The following ADAM12 variants were observed in gnomAD, a reference collection of about 807,000 sequenced individuals.
ADAM12 encodes ADAM metallopeptidase domain 12, also known as disintegrin and metalloproteinase domain-containing protein 12.
ADAM12 carries 70 observed loss-of-function variants against 106.4 expected under a neutral mutation model. That is an observed-to-expected ratio of 0.66 (90% confidence interval 0.54 to 0.80). The LOEUF (loss-of-function observed/expected upper bound fraction) is 0.80. ADAM12 is among the 30% of genes least tolerant of loss of function. The pLI is 0.00. For missense variants in ADAM12, 1,010 were observed against 1,171.9 expected (o/e 0.86, Z 2.02); for synonymous variants, 420 against 433.5 (o/e 0.97, Z 0.39).
intron 11 of ADAM12, among the ~76,000 whole-genome samples, chr10:126,073,452 G>T (rs1424814512): frequency 6.6e-6 from 1 of 152,024 alleles, no homozygotes; most frequent in Non-Finnish European, 1.5e-5. Context: ...TGTTATGTAG[G>T]TAGACTGCAT....
At chr10:126,149,352 A>G (rs954581724) in intron 4 of ADAM12, among the ~76,000 whole-genome samples, 1 of 152,118 alleles carries the variant, frequency 6.6e-6, no homozygotes, top group Non-Finnish European at 1.5e-5. Context: ...CAGTTGTTGA[A>G]CCCCTGTTTC....
chr10:126,386,254 A>C (rs1424074574), intron 1 of ADAM12, among the ~76,000 whole-genome samples: 1 of 152,210 alleles, frequency 6.6e-6, no homozygotes. Context: ...TGCCCCAGAA[A>C]GTACCAAGTA....
chr10:126,388,115 C>A lies in ADAM12; in HGVS notation c.31G>T (p.Ala11Ser), dbSNP rs776164501. Reference sequence around the variant, plus strand: ...GCCAGGGCGAGCAGGAGGGCGCGGGCGGGGGACACGGGCAGCGGGCGCGCT... The same window carrying A: ...GCCAGGGCGAGCAGGAGGGCGCGGGAGGGGGACACGGGCAGCGGGCGCGCT... MAARPLPVSPARALLLALAGA... is the reference protein window; with the variant it reads MAARPLPVSPSRALLLALAGA... The change falls in exon 1 of 23, where the codon GCC (alanine) becomes TCC (serine). Residue 11 changes from alanine (A) to serine (S), a missense_variant. Around this residue, in one of 3 missense-constraint regions of ADAM12, gnomAD observed 391 missense variants for 442.9 expected, o/e 0.88. Transcript: ENST00000448723. This position sits in a 1 kb window ranked among gnomAD's most constrained non-coding sequence, Gnocchi z 4.4. 5 of 1,223,972 alleles carry A rather than the reference C, an allele frequency of 4.1e-6. No homozygotes were observed. The highest frequency in any genetic ancestry group is 3.3e-5 in the East Asian group (1 of 30,578). 75.8% of individuals were successfully genotyped at this position (1,223,972 alleles called of 1,614,324 possible).
chr10:126,270,279 A>T (rs1457220481), intron 3 of ADAM12, among the ~76,000 whole-genome samples: 1 of 152,184 alleles, frequency 6.6e-6, no homozygotes. Context: ...CACTGCAGGC[A>T]TTAGGCAAGC....
chr10:126,039,508 G>A, intron 18 of ADAM12, 79 bp from the exon 19 acceptor site: 1 of 1,561,386 alleles, frequency 6.4e-7, no homozygotes, highest in Non-Finnish European at 8.8e-7. Context: ...GACGTTTATG[G>A]CAAAGTGAAC....
chr10:126,377,295 A>G (rs1564765111), intron 1 of ADAM12, among the ~76,000 whole-genome samples: 1 of 152,060 alleles, frequency 6.6e-6, no homozygotes, highest in Non-Finnish European at 1.5e-5. Context: ...AGGAGTATTA[A>G]CTCACATGAT....
intron 4 of ADAM12, among the ~76,000 whole-genome samples, chr10:126,143,063 G>A (rs1045486437): frequency 2.8e-5 from 2 of 70,430 alleles, no homozygotes; most frequent in African/African-American, 8.7e-5. Context: ...GTGTGCACAT[G>A]TGCATATGTG....
At chr10:126,022,587 G>A (rs374990163) in intron 21 of ADAM12, among the ~76,000 whole-genome samples, 1 of 152,186 alleles carries the variant, frequency 6.6e-6, no homozygotes, top group South Asian at 2.1e-4. Context: ...TTTGACCCTG[G>A]AGGAAGGGAT....
intron 14 of ADAM12, among the ~76,000 whole-genome samples, chr10:126,062,770 G>C (rs892681820): frequency 6.6e-6 from 1 of 152,168 alleles, no homozygotes; most frequent in Non-Finnish European, 1.5e-5. Flanking sequence ...AGTGTTGTGT[G>C]TGCTCTGGCC....
intron 3 of ADAM12, among the ~76,000 whole-genome samples, chr10:126,225,241 A>G (rs532791425): frequency 2.0e-5 from 3 of 152,220 alleles, no homozygotes; most frequent in South Asian, 2.1e-4. Context: ...AGCACCATGT[A>G]TATGTTTTCT....
intron 4 of ADAM12, among the ~76,000 whole-genome samples, chr10:126,154,071 C>A (rs1180256264): frequency 1.3e-5 from 2 of 152,224 alleles, no homozygotes; most frequent in East Asian, 3.8e-4. Flanking sequence ...TCCTGGGGAT[C>A]TGGCTTTTGT....
At chr10:126,197,504 G>A (rs971541933) in intron 3 of ADAM12, among the ~76,000 whole-genome samples, 2 of 152,178 alleles carry the variant, frequency 1.3e-5, no homozygotes, top group African/African-American at 4.8e-5. Flanking sequence ...CTTCCCTCCT[G>A]GGGTTGCAGA....
intron 3 of ADAM12, among the ~76,000 whole-genome samples, chr10:126,255,519 T>C (rs1200887823): frequency 2.0e-5 from 3 of 152,198 alleles, no homozygotes; most frequent in Non-Finnish European, 4.4e-5. Context: ...GATGTCATCA[T>C]GGCCATACTA....
At chr10:126,383,978 G>A (rs956168111) in intron 1 of ADAM12, among the ~76,000 whole-genome samples, 8 of 152,146 alleles carry the variant, frequency 5.3e-5, no homozygotes, top group African/African-American at 1.9e-4. Context: ...TACTACAAAC[G>A]CTTATGGAAA....
intron 16 of ADAM12, among the ~76,000 whole-genome samples, chr10:126,046,801 CAA>C (rs60056450): frequency 0.023 from 1,159 of 49,774 alleles, 2 homozygotes; most frequent in African/African-American, 0.067. Context: ...GATTCCGTCT[CAA>C]AAAAAAAAAA....
chr10:126,342,683 C>T (rs979096003), intron 1 of ADAM12, among the ~76,000 whole-genome samples: 1 of 152,170 alleles, frequency 6.6e-6, no homozygotes, highest in East Asian at 1.9e-4. Context: ...AATCCAGTAT[C>T]GGCTGGCAGG....
chr10:126,300,705 A>G (rs1960582115), intron 2 of ADAM12, among the ~76,000 whole-genome samples: 1 of 149,610 alleles, frequency 6.7e-6, no homozygotes, highest in Non-Finnish European at 1.5e-5. Flanking sequence ...TAGGAAACAC[A>G]AAAACCTGAC....
At chr10:126,182,309 A>T (rs1957327358) in intron 3 of ADAM12, among the ~76,000 whole-genome samples, 1 of 152,236 alleles carries the variant, frequency 6.6e-6, no homozygotes, top group Non-Finnish European at 1.5e-5. Context: ...TAAGACATAA[A>T]GACATCTAAT....
chr10:126,162,156 C>T (rs1408377134), intron 3 of ADAM12, among the ~76,000 whole-genome samples: 1 of 152,030 alleles, frequency 6.6e-6, no homozygotes, highest in East Asian at 1.9e-4. Context: ...GTCAGGGCTC[C>T]ATGACAGGGA....
Sources: gnomAD v4.1 joint callset for allele counts (sites outside exome capture counted in the v4.1 genomes callset) on GRCh38, gnomAD v4.1.1 for gene constraint, gnomAD v4.1.1 regional missense constraint, Gnocchi (gnomAD v3.1) non-coding constraint, MANE v1.5 for transcripts, NCBI Gene and HGNC (gene_info 2026-07-23, HGNC 2026-07-21) for gene names.